CTPS2: variants seen among roughly 807,000 people sequenced by gnomAD.
CTPS2 encodes the protein CTP synthase 2.
CTPS2 carries 19 observed loss-of-function variants against 46.8 expected under a neutral mutation model. That is an observed-to-expected ratio of 0.41 (90% CI 0.28 to 0.60). CTPS2 has a LOEUF of 0.60. Among genes scored for constraint, CTPS2 ranks in the 20% least tolerant of loss-of-function variants. The pLI, the probability that CTPS2 is intolerant of heterozygous loss-of-function variation, is 0.35. For missense variants in CTPS2, 286 were observed against 447.6 expected (o/e 0.64, Z 3.26); for synonymous variants, 151 against 165.2 (o/e 0.91, Z 0.66).
chrX:16,644,991 T>C (rs936368464), intron 13 of CTPS2, among the ~76,000 whole-genome samples: 4 of 111,879 alleles, frequency 3.6e-5, no homozygotes, highest in African/African-American at 1.3e-4. Flanking sequence ...TTTTTGTTTT[T>C]TGTTTTTTTG....
chrX:16,697,432 C>CT (rs5901594), intron 4 of CTPS2, among the ~76,000 whole-genome samples: 3 of 59,601 alleles, frequency 5.0e-5, no homozygotes, highest in African/African-American at 6.6e-5. Context: ...TCAAATACGA[C>CT]TTTTTTTTTT....
At chrX:16,617,026 T>C in intron 16 of CTPS2, 124 bp downstream of exon 16, 1 of 498,614 alleles carries the variant, frequency 2.0e-6, no homozygotes, top group Non-Finnish European at 3.4e-6. Flanking sequence ...ACTTTGTAGT[T>C]ACATATTTGT....
intron 13 of CTPS2, among the ~76,000 whole-genome samples, chrX:16,639,579 G>T (rs369730265): frequency 9.1e-6 from 1 of 109,854 alleles, no homozygotes; most frequent in African/African-American, 3.3e-5. Context: ...CTCCCACTTC[G>T]GTGTTCACAT....
At chrX:16,685,096 A>C (rs781020000) in intron 8 of CTPS2, among the ~76,000 whole-genome samples, 1 of 111,490 alleles carries the variant, frequency 9.0e-6, no homozygotes, top group South Asian at 3.8e-4. Context: ...TTCTCCAAAA[A>C]AAAAAGAGGA....
intron 17 of CTPS2, among the ~76,000 whole-genome samples, chrX:16,598,287 T>A (rs1275882291): frequency 1.8e-5 from 2 of 109,784 alleles, no homozygotes; most frequent in Non-Finnish European, 3.8e-5. Context: ...TTTGAAAGGA[T>A]CAACAAAATT....
chrX:16,635,485 C>G (rs1488043857), intron 14 of CTPS2, among the ~76,000 whole-genome samples: 2 of 111,051 alleles, frequency 1.8e-5, no homozygotes, highest in Non-Finnish European at 3.8e-5. Context: ...CCAGCCTGAC[C>G]AACATGGAGA....
At chrX:16,652,246 A>G (rs1280267573) in intron 13 of CTPS2, among the ~76,000 whole-genome samples, 1 of 112,123 alleles carries the variant, frequency 8.9e-6, no homozygotes, top group Non-Finnish European at 1.9e-5. Flanking sequence ...TCACAACAGA[A>G]GTGACTATGG....
At chrX:16,692,831 G>A (rs1465032706) in intron 6 of CTPS2, among the ~76,000 whole-genome samples, 2 of 110,506 alleles carry the variant, frequency 1.8e-5, no homozygotes, top group African/African-American at 6.6e-5. Context: ...GCTGAGGCGG[G>A]CGGATCACCT....
At chrX:16,666,631 A>C (rs992701345) in intron 13 of CTPS2, among the ~76,000 whole-genome samples, 2 of 111,488 alleles carry the variant, frequency 1.8e-5, no homozygotes, top group African/African-American at 6.5e-5. Flanking sequence ...CCTGTGTGAC[A>C]GAGTGAGAAC....
At chrX:16,695,442 ATACTT>A (rs1412543958) in intron 4 of CTPS2, among the ~76,000 whole-genome samples, 2 of 112,466 alleles carry the variant, frequency 1.8e-5, no homozygotes, top group African/African-American at 6.5e-5. Flanking sequence ...ACCTATAACA[ATACTT>A]TATGCTGAAA....
In CTPS2 at chrX:16,599,783, C is replaced by G. The variant is rs992147874; in HGVS notation, c.1692-8921G>C. Among the ~76,000 whole-genome samples the G allele has an allele frequency of 9.4e-5, 10 of 106,518 alleles. No individual in the cohort carries two copies. The South Asian group carries it at 1.7e-3, about 18-fold the overall frequency. 92.5% of individuals were successfully genotyped at this position (106,518 alleles called of 115,157 possible). ...GAGCCACCGCACCCGGCACCCCCCC[C>G]CTTTTTTTTTCTTTTGACACACAGT... is the stretch of plus-strand genomic sequence containing the variant. On this transcript the variant is annotated intron_variant, in intron 17 of 18. Transcript: ENST00000359276.
chrX:16,616,315 C>T (rs759379885), intron 16 of CTPS2, among the ~76,000 whole-genome samples: 9 of 112,431 alleles, frequency 8.0e-5, no homozygotes, highest in Non-Finnish European at 1.7e-4. Context: ...TATTTCTGTT[C>T]TGTTTGCTCT....
At chrX:16,663,921 T>C (rs944347405) in intron 13 of CTPS2, among the ~76,000 whole-genome samples, 34 of 111,022 alleles carry the variant, frequency 3.1e-4, no homozygotes, top group Admixed American at 4.8e-4. Flanking sequence ...CTGGAAGCTC[T>C]GCCTCCTGGG....
intron 18 of CTPS2, among the ~76,000 whole-genome samples, chrX:16,590,373 T>C (rs1303252290): frequency 1.8e-5 from 2 of 112,031 alleles, no homozygotes; most frequent in African/African-American, 6.5e-5. Flanking sequence ...CTATGGTTGC[T>C]TTCCTGCTAC....
At chrX:16,654,837 G>A (rs1416722342) in intron 13 of CTPS2, among the ~76,000 whole-genome samples, 1 of 109,700 alleles carries the variant, frequency 9.1e-6, no homozygotes, top group Non-Finnish European at 1.9e-5. Flanking sequence ...AGTGAGACAT[G>A]ATCACGCCAC....
At chrX:16,605,632 G>A (rs944330004) in intron 17 of CTPS2, among the ~76,000 whole-genome samples, 1 of 111,637 alleles carries the variant, frequency 9.0e-6, no homozygotes, top group Non-Finnish European at 1.9e-5. Flanking sequence ...TGAGGCATAA[G>A]AATTGCTTGA....
At chrX:16,631,614 G>T (rs1175104900) in intron 14 of CTPS2, among the ~76,000 whole-genome samples, 1 of 112,198 alleles carries the variant, frequency 8.9e-6, no homozygotes, top group African/African-American at 3.2e-5. Context: ...GAACTGAAAT[G>T]GTCTGAAAAA....
At chrX:16,670,386 T>C (rs1921643760) in intron 11 of CTPS2, among the ~76,000 whole-genome samples, 194 bp downstream of exon 11, 1 of 112,256 alleles carries the variant, frequency 8.9e-6, no homozygotes, top group Non-Finnish European at 1.9e-5. Flanking sequence ...TGTGTTCCAA[T>C]AAAGCTTTAT....
At chrX:16,659,800 G>C (rs758399013) in intron 13 of CTPS2, among the ~76,000 whole-genome samples, 3 of 110,984 alleles carry the variant, frequency 2.7e-5, no homozygotes, top group African/African-American at 9.9e-5. Flanking sequence ...TCAGCCTCCC[G>C]AAGTGCTGGG....
Sources: gnomAD v4.1 joint callset for allele counts (sites outside exome capture counted in the v4.1 genomes callset) on GRCh38, gnomAD v4.1.1 for gene constraint, MANE v1.5 for transcripts, NCBI Gene and HGNC (gene_info 2026-07-23, HGNC 2026-07-21) for gene names.